The following HELQ variants were observed in gnomAD, a reference collection of about 807,000 sequenced individuals.
HELQ encodes the protein helicase, POLQ like, also known as helicase POLQ-like.
A neutral mutation model predicts 111.6 loss-of-function variants in HELQ; 77 were observed. The observed-to-expected ratio is 0.69, with a 90% CI of 0.57 to 0.83. The LOEUF (loss-of-function observed/expected upper bound fraction) is 0.83, where lower values mean the gene tolerates loss of function less well. Ranked by LOEUF, HELQ falls within the 40% of genes least tolerant of loss-of-function variation. The pLI, the probability that HELQ is intolerant of heterozygous loss-of-function variation, is 0.00. For missense variants in HELQ, 1,200 were observed against 1,288.5 expected (o/e 0.93, Z 1.05); for synonymous variants, 438 against 454.7 (o/e 0.96, Z 0.47).
At chr4:83,453,202 A>C in intron 2 of HELQ, 29 bp downstream of exon 2, 1 of 1,459,902 alleles carries the variant, frequency 6.8e-7, no homozygotes, top group Non-Finnish European at 9.4e-7. Flanking sequence ...ATAGGAAAAA[A>C]ATTTTTTTAT....
Position 83,439,853 on chromosome 4 carries a change from A to G in HELQ, c.1808+10T>C, listed in dbSNP as rs767278047. ...AAATAAAACAGGCTATTTAAAAAAT[A>G]TTAACATACTTGCTTAAAAATTTGC... is the stretch of plus-strand genomic sequence containing the variant. On this transcript the variant is annotated intron_variant, in intron 8 of 17. Transcript: ENST00000295488. 8 of 1,531,870 alleles carry G rather than the reference A, an allele frequency of 5.2e-6. No homozygotes were observed. The Admixed American group carries it at 5.3e-5, about 10-fold the overall frequency. The allele number at this position is 1,531,870 out of a possible 1,614,324, so 94.9% of individuals were successfully genotyped here.
chr4:83,431,116 C>T (rs1159681639), intron 11 of HELQ, among the ~76,000 whole-genome samples: 1 of 151,972 alleles, frequency 6.6e-6, no homozygotes, highest in Non-Finnish European at 1.5e-5. Context: ...AAAAAACAAA[C>T]AAACAAACAA....
intron 2 of HELQ, 35 bp from the exon 3 acceptor site, chr4:83,448,996 C>A: frequency 1.4e-6 from 2 of 1,465,378 alleles, no homozygotes; most frequent in Non-Finnish European, 1.8e-6. Flanking sequence ...ATTATTTTCC[C>A]CTTCCAAACT....
intron 17 of HELQ, among the ~76,000 whole-genome samples, chr4:83,416,371 C>T (rs1418945509): frequency 6.6e-6 from 1 of 151,970 alleles, no homozygotes; most frequent in Non-Finnish European, 1.5e-5. Flanking sequence ...CAGCACAAAC[C>T]ACCACACCCA....
chr4:83,407,617 C>T (rs1352275738), intron 17 of HELQ, 57 bp from the exon 18 acceptor site: 14 of 1,036,438 alleles, frequency 1.4e-5, no homozygotes, highest in Middle Eastern at 2.0e-4. Flanking sequence ...GAATTGCCAA[C>T]AATTTTACCA....
At position 83,439,301 on chromosome 4, in the gene HELQ, A is replaced by AAG. The variant is rs1229250121; in HGVS notation, c.1808+561_1808+562insCT. On this transcript the variant is annotated intron_variant, in intron 8 of 17. Transcript: ENST00000295488. ...AGGCTGGTCTTGAACTCCTGACCTC[A>AAG]TGATCCGCACACCTTGGCTTCCCAA... Among the ~76,000 whole-genome samples the AAG allele has an allele frequency of 2.6e-3, 391 of 151,036 alleles. 2 individuals carry two copies. Among genetic ancestry groups the AAG allele is most frequent in the African/African-American group, 8.9e-3 (362 of 40,894 alleles).
chr4:83,417,552 GTCTC>G (rs773224673), intron 16 of HELQ, among the ~76,000 whole-genome samples: 1 of 152,116 alleles, frequency 6.6e-6, no homozygotes, highest in Non-Finnish European at 1.5e-5. Context: ...GACCACTGGT[GTCTC>G]TCTCTGTGTG....
intron 2 of HELQ, among the ~76,000 whole-genome samples, chr4:83,450,007 C>T (rs60574082): frequency 0.065 from 9,908 of 151,612 alleles, 1,084 homozygotes; most frequent in African/African-American, 0.23. Context: ...TAGAACTGCA[C>T]ATTGCCTTTG....
Position 83,430,315 on chromosome 4 carries a change from GAA to G in HELQ, c.2296-571_2296-570del, listed in dbSNP as rs11286110. Among the ~76,000 whole-genome samples the G allele has an allele frequency of 2.3e-3, 341 of 148,438 alleles. 2 individuals carry two copies. The highest frequency in any genetic ancestry group is 1.4e-3 in the East Asian group (7 of 5,076). The stretch of plus-strand genomic sequence containing the variant: ...AACAAAATAAATTAAAAAAAGAACT[GAA>G]AAAAAAAATACAAGTTTCCACTAAA... On this transcript the variant is annotated intron_variant, in intron 11 of 17. Transcript: ENST00000295488.
In HELQ at chr4:83,416,901, T is replaced by G. The variant is rs2109967090; in HGVS notation, c.3064-36A>C. ...TTACAAAAATCAGTAGGATAATAGT[T>G]TGGGATTAGAAAAAAGAAAATTAAG... is the stretch of plus-strand genomic sequence containing the variant. On this transcript the variant is annotated intron_variant, in intron 16 of 17. Transcript: ENST00000295488. 1.9e-6 allele frequency: 3 copies of G among 1,549,660 alleles called. No homozygotes were observed. In the East Asian group the frequency reaches 7.0e-5, roughly 36 times the overall value.
intron 6 of HELQ, among the ~76,000 whole-genome samples, chr4:83,442,334 C>T (rs1720810217): frequency 7.9e-6 from 1 of 126,200 alleles, no homozygotes; most frequent in Non-Finnish European, 1.6e-5. Context: ...GCGGCACAAA[C>T]ACAGCTTACT....
In HELQ at chr4:83,429,671, T is replaced by G; in HGVS notation, c.2371A>C (p.Lys791Gln). The stretch of plus-strand genomic sequence containing the variant: ...GTTATTTCCCAGAGACTTTTTTCTT[T>G]CAATAAAACCTTTTGCTGAACACCA... ...FFGVQQKVLL[K>Q]EKSLWEITVE... The change falls in exon 12 of 18, where the codon AAA becomes CAA. Residue 791 changes from lysine to glutamine, a missense_variant. By Grantham distance (53) the Lys-to-Gln change is moderately conservative. Coordinates refer to ENST00000295488, the MANE Select transcript of HELQ (RefSeq NM_133636.5). 1 of 1,613,570 alleles carries G rather than the reference T, an allele frequency of 6.2e-7. No individual in the cohort carries two copies. Among genetic ancestry groups the G allele is most frequent in the Non-Finnish European group, 8.5e-7 (1 of 1,179,648 alleles).
intron 7 of HELQ, among the ~76,000 whole-genome samples, chr4:83,440,296 T>C (rs559630915): frequency 2.0e-5 from 3 of 152,102 alleles, no homozygotes; most frequent in Non-Finnish European, 4.4e-5. Flanking sequence ...ATAGTTAATG[T>C]TATTAATAGC....
chr4:83,409,592 A>G (rs1175735690), intron 17 of HELQ, among the ~76,000 whole-genome samples: 1 of 151,600 alleles, frequency 6.6e-6, no homozygotes, highest in South Asian at 2.1e-4. Context: ...AAGAACCCAA[A>G]CTCTTCATCT....
intron 1 of HELQ, 196 bp downstream of exon 1, chr4:83,455,201 C>A (rs1287295045): frequency 1.7e-6 from 2 of 1,205,064 alleles, no homozygotes; most frequent in Non-Finnish European, 2.2e-6. Flanking sequence ...GCTGCGTGCA[C>A]AACTTTTATG....
intron 2 of HELQ, among the ~76,000 whole-genome samples, chr4:83,450,435 T>C (rs971741051): frequency 6.6e-6 from 1 of 151,560 alleles, no homozygotes; most frequent in Admixed American, 6.6e-5. Context: ...TTTTGGGTGA[T>C]TCCCAAATAC....
chr4:83,446,155 T>A (rs924887278), intron 4 of HELQ, 69 bp from the exon 5 acceptor site: 1 of 1,019,712 alleles, frequency 9.8e-7, no homozygotes, highest in Non-Finnish European at 1.5e-6. Flanking sequence ...AACATGCATA[T>A]ATTCATATGA....
At chr4:83,417,552 G>A (rs932767399) in intron 16 of HELQ, among the ~76,000 whole-genome samples, 13 of 152,116 alleles carry the variant, frequency 8.5e-5, no homozygotes, top group African/African-American at 3.1e-4. Context: ...GACCACTGGT[G>A]TCTCTCTCTG....
Position 83,450,139 on chromosome 4 carries a change from T to C in HELQ, c.1013-1178A>G, listed in dbSNP as rs1391606170. On this transcript the variant is annotated intron_variant, in intron 2 of 17. Transcript: ENST00000295488. ...GTGGGGGTAAAGGCCGAATGAATTA[T>C]TGTACAATCAACCAATGAGATTCTT... 2.0e-5 allele frequency among the ~76,000 whole-genome samples: 3 copies of C among 147,244 alleles called. No individual in the cohort carries two copies. The Admixed American group carries it at 2.1e-4, about 10-fold the overall frequency.
Sources: allele counts gnomAD v4.1 joint callset (sites outside exome capture counted in the v4.1 genomes callset), GRCh38; gene constraint gnomAD v4.1.1; transcripts MANE v1.5; gene names NCBI Gene and HGNC (gene_info 2026-07-23, HGNC 2026-07-21).